Variants in GFM1 observed in about 807,000 individuals in gnomAD.
GFM1 encodes G elongation factor mitochondrial 1.
A neutral mutation model predicts 96.2 loss-of-function variants in GFM1; 62 were observed. The observed-to-expected ratio is 0.64, with a 90% CI of 0.53 to 0.80. The LOEUF (loss-of-function observed/expected upper bound fraction) is 0.80. Among genes scored for constraint, GFM1 ranks in the 30% least tolerant of loss-of-function variants. The probability of loss-of-function intolerance (pLI) is 0.00; values close to 1 mark genes in which losing one functional copy is unlikely to be tolerated. For synonymous variants in GFM1, 282 were observed against 312.9 expected (o/e 0.90, Z 1.04); for missense variants, 852 against 916.6 (o/e 0.93, Z 0.91).
rs1051744389 is a variant in GFM1, at chr3:158,670,858, C to T, written c.1601+4472C>T. On this transcript the variant is annotated intron_variant, in intron 13 of 17. Coordinates refer to ENST00000486715, the MANE Select transcript of GFM1 (RefSeq NM_024996.7). ...CTGAGGTGGGAAGATGGCCTGAGCCCGGGAAGTTGAGGCTGCAGTGAGCCA... is the reference window on the plus strand; with the variant it reads ...CTGAGGTGGGAAGATGGCCTGAGCCTGGGAAGTTGAGGCTGCAGTGAGCCA... 7.7e-6 allele frequency: 10 copies of T among 1,300,692 alleles called. No individual in the cohort carries two copies. The Admixed American group carries it at 1.2e-4, about 16-fold the overall frequency. 80.6% of individuals were successfully genotyped at this position (1,300,692 alleles called of 1,614,324 possible).
chr3:158,683,323 C>A (rs773189181), intron 14 of GFM1, among the ~76,000 whole-genome samples: 2 of 152,168 alleles, frequency 1.3e-5, no homozygotes, highest in Non-Finnish European at 2.9e-5. Context: ...TTTGTGCTAT[C>A]TGCGCAGCCA....
intron 13 of GFM1, chr3:158,667,197 TTGAA>T: frequency 1.9e-6 from 2 of 1,073,896 alleles, no homozygotes; most frequent in Non-Finnish European, 2.5e-6. Flanking sequence ...AAAATAAAAA[TTGAA>T]TGTCATAATT....
At chr3:158,681,763 G>T (rs1205247860) in intron 13 of GFM1, among the ~76,000 whole-genome samples, 2 of 151,994 alleles carry the variant, frequency 1.3e-5, no homozygotes, top group Non-Finnish European at 2.9e-5. Context: ...TTTTTTATTT[G>T]TGAAATTTAT....
chr3:158,659,135 C>T (rs919552962), intron 9 of GFM1, 76 bp downstream of exon 9: 1 of 1,507,596 alleles, frequency 6.6e-7, no homozygotes, highest in Non-Finnish European at 9.2e-7. Flanking sequence ...ATCCTGAGCC[C>T]CACTAGAAAA....
chr3:158,669,225 G>T (rs972883154), intron 13 of GFM1: 3 of 1,355,032 alleles, frequency 2.2e-6, no homozygotes, highest in Non-Finnish European at 3.0e-6. Flanking sequence ...AGTTTCCTTC[G>T]AATGTTGTGC....
At chr3:158,659,193 G>A in intron 9 of GFM1, 134 bp downstream of exon 9, 3 of 1,022,278 alleles carry the variant, frequency 2.9e-6, no homozygotes, top group Non-Finnish European at 4.3e-6. Flanking sequence ...ACTTAAATGT[G>A]TTGTAGCTCT....
chr3:158,645,430 C>T (rs886847239), intron 1 of GFM1, among the ~76,000 whole-genome samples, 199 bp from the exon 2 acceptor site: 17 of 152,192 alleles, frequency 1.1e-4, no homozygotes, highest in African/African-American at 3.4e-4. Flanking sequence ...TAAAAGAATA[C>T]GTCTTTACTG....
intron 4 of GFM1, 60 bp downstream of exon 4, chr3:158,647,007 C>T (rs1427258473): frequency 7.8e-7 from 1 of 1,286,074 alleles, no homozygotes; most frequent in African/African-American, 1.5e-5. Flanking sequence ...ACCTTATATC[C>T]AAAAGGGTGA....
Position 158,691,284 on chromosome 3 carries a change from T to G in GFM1, c.2125-52T>G, listed in dbSNP as rs373742171. On this transcript the variant is annotated intron_variant, in intron 17 of 17. Coordinates refer to ENST00000486715, the MANE Select transcript of GFM1 (RefSeq NM_024996.7). Reference sequence around the variant, plus strand: ...CCTTGTATGACTTTTACTTGATAGTTTAAAAAACAAACAAACAAACAAAAA... The same window carrying G: ...CCTTGTATGACTTTTACTTGATAGTGTAAAAAACAAACAAACAAACAAAAA... The G allele has an allele frequency of 7.8e-4, 1,252 of 1,604,866 alleles. 3 individuals are homozygous for G. The highest frequency in any genetic ancestry group is 1.0e-3 in the Non-Finnish European group (1,172 of 1,177,036).
At chr3:158,648,685 A>G (rs1722045248) in intron 4 of GFM1, among the ~76,000 whole-genome samples, 1 of 151,158 alleles carries the variant, frequency 6.6e-6, no homozygotes, top group Non-Finnish European at 1.5e-5. Flanking sequence ...TCTCAAAAAA[A>G]AAAAAAAAAA....
At chr3:158,687,078 C>T (rs1243901099) in intron 15 of GFM1, among the ~76,000 whole-genome samples, 1 of 152,086 alleles carries the variant, frequency 6.6e-6, no homozygotes. Flanking sequence ...TCTTGACTTA[C>T]TGCAACCTCG....
chr3:158,646,591 C>T (rs540864093), intron 3 of GFM1, 152 bp from the exon 4 acceptor site: 24 of 776,340 alleles, frequency 3.1e-5, no homozygotes, highest in Middle Eastern at 3.6e-4. Flanking sequence ...GGCCCTGCAC[C>T]TAAGGGTTGG....
At chr3:158,646,342 A>G in intron 3 of GFM1, 45 bp downstream of exon 3, 1 of 1,607,730 alleles carries the variant, frequency 6.2e-7, no homozygotes, top group Admixed American at 1.7e-5. Context: ...TGGCAAAAGC[A>G]CATTTGGTTC....
chr3:158,667,140 T>A lies in GFM1; in HGVS notation c.1601+754T>A, dbSNP rs963727553. 7.7e-6 allele frequency: 11 copies of A among 1,425,122 alleles called. No homozygotes were observed. In the African/African-American group the frequency reaches 1.5e-4, roughly 19 times the overall value. 88.3% of individuals were successfully genotyped at this position (1,425,122 alleles called of 1,614,324 possible). On this transcript the variant is annotated intron_variant, in intron 13 of 17. Transcript: ENST00000486715. ...TCTTTGGCAAAAATTACATTTAATT[T>A]TGAAAATCATCTTTGATTAGATGAA...
chr3:158,684,729 A>G, intron 15 of GFM1, 61 bp downstream of exon 15: 1 of 1,559,974 alleles, frequency 6.4e-7, no homozygotes, highest in South Asian at 1.1e-5. Flanking sequence ...ATAGCCTCAG[A>G]AGGCAACACT....
intron 12 of GFM1, 40 bp from the exon 13 acceptor site, chr3:158,666,263 AT>A: frequency 6.8e-7 from 1 of 1,464,608 alleles, no homozygotes; most frequent in African/African-American, 1.4e-5. Context: ...CTTTCGGTTT[AT>A]TTTTTTAAAT....
At chr3:158,648,444 C>T (rs1015206980) in intron 4 of GFM1, among the ~76,000 whole-genome samples, 6 of 152,052 alleles carry the variant, frequency 3.9e-5, no homozygotes, top group African/African-American at 7.2e-5. Context: ...TTTGGGAGGC[C>T]GAGGCGGGTG....
chr3:158,671,142 G>C, intron 13 of GFM1: 2 of 1,236,932 alleles, frequency 1.6e-6, no homozygotes, highest in East Asian at 6.4e-5. Context: ...GAAAGCCTTA[G>C]GTCTTGAAAA....
At chr3:158,672,752 C>T (rs1235986269) in intron 13 of GFM1, 12 of 358,158 alleles carry the variant, frequency 3.4e-5, no homozygotes, top group Admixed American at 1.9e-4. Flanking sequence ...CTGGTTCCTA[C>T]TGGAGGAGAG....
Sources: gnomAD v4.1 joint callset for allele counts (sites outside exome capture counted in the v4.1 genomes callset) on GRCh38, gnomAD v4.1.1 for gene constraint, MANE v1.5 for transcripts, NCBI Gene and HGNC (gene_info 2026-07-23, HGNC 2026-07-21) for gene names.